The following DDX17 variants were observed in gnomAD, a reference collection of about 807,000 sequenced individuals.
DDX17 encodes DEAD-box helicase 17.
In DDX17, 10 loss-of-function variants were observed where a neutral mutation model predicts 80.8. That is an observed-to-expected ratio of 0.12 (90% confidence interval 0.08 to 0.21). The LOEUF (loss-of-function observed/expected upper bound fraction) is 0.21, where lower values mean the gene tolerates loss of function less well. Ranked by LOEUF, DDX17 falls within the 10% of genes least tolerant of loss-of-function variation. DDX17 has a pLI of 1.00. For synonymous variants in DDX17, 339 were observed against 336.2 expected, an observed-to-expected ratio of 1.01 and a Z score of -0.09; for missense variants, 586 against 957.4, an observed-to-expected ratio of 0.61 and a Z score of 5.12.
chr22:38,499,044 G>A (rs780229665), intron 3 of DDX17, among the ~76,000 whole-genome samples: 5 of 152,082 alleles, frequency 3.3e-5, no homozygotes, highest in Non-Finnish European at 7.4e-5. Context: ...TGCTACAATA[G>A]TCTACCTCTC....
intron 11 of DDX17, chr22:38,488,339 G>C: frequency 2.8e-6 from 4 of 1,414,598 alleles, no homozygotes. Flanking sequence ...ATCTTTATTG[G>C]CTGTAGAATC....
intron 10 of DDX17, 39 bp from the exon 11 acceptor site, chr22:38,492,154 C>T (rs1162199332): frequency 1.3e-6 from 2 of 1,535,612 alleles, no homozygotes; most frequent in East Asian, 4.5e-5. Context: ...AATAAGCATT[C>T]CTTGCTATCT....
intron 11 of DDX17, chr22:38,488,355 G>A: frequency 2.2e-6 from 3 of 1,383,158 alleles, no homozygotes; most frequent in East Asian, 5.6e-5. Flanking sequence ...GAATCCTAAG[G>A]GAATCCCATC....
Position 38,494,821 on chromosome 22 carries a change from C to T in DDX17, c.1042-19G>A. On this transcript the variant is annotated intron_variant, in intron 7 of 12. Coordinates refer to ENST00000403230, the MANE Select transcript of DDX17 (RefSeq NM_006386.5). The stretch of plus-strand genomic sequence containing the variant: ...TATCAGGCTATCAAAAAAGGAAAGG[C>T]TTTCTTTCAGGCTAAGGAACTTGGA... 2 of 1,614,002 alleles carry T rather than the reference C, an allele frequency of 1.2e-6. No homozygotes were observed. The highest frequency in any genetic ancestry group is 1.1e-5 in the South Asian group (1 of 91,070).
Position 38,501,290 on chromosome 22 carries a change from G to A in DDX17, c.288-10C>T. Reference sequence around the variant, plus strand: ...ACCTCTTGCTCCAAATCTAGGAACAGAATTTTTAGTTAGTTCATCAGTATT... The same window carrying A: ...ACCTCTTGCTCCAAATCTAGGAACAAAATTTTTAGTTAGTTCATCAGTATT... On this transcript the variant is annotated splice_polypyrimidine_tract_variant and intron_variant, in intron 1 of 12. Transcript: ENST00000403230. 1 of 1,599,260 alleles carries A rather than the reference G, an allele frequency of 6.3e-7. No individual in the cohort carries two copies. Among genetic ancestry groups the A allele is most frequent in the Non-Finnish European group, 8.5e-7 (1 of 1,174,228 alleles).
chr22:38,489,488 C>T lies in DDX17; in HGVS notation c.1448-1373G>A. ...GTTCGGGTAAAAATTTCAGGTCCTC[C>T]AACGCCTCCCCCAAGGATAATTGGG... On this transcript the variant is annotated intron_variant, in intron 11 of 12. Coordinates refer to ENST00000403230, the MANE Select transcript of DDX17 (RefSeq NM_006386.5). The surrounding 1 kb of genome is among the most constrained non-coding windows in gnomAD (Gnocchi z 4.6). The T allele has an allele frequency of 1.0e-6, 1 of 985,528 alleles. No individual in the cohort carries two copies. Among genetic ancestry groups the T allele is most frequent in the Non-Finnish European group, 1.2e-6 (1 of 829,916 alleles). 61.0% of individuals were successfully genotyped at this position (985,528 alleles called of 1,614,324 possible).
intron 2 of DDX17, 50 bp from the exon 3 acceptor site, chr22:38,499,549 C>T: frequency 7.1e-7 from 1 of 1,415,212 alleles, no homozygotes; most frequent in Non-Finnish European, 1.0e-6. Context: ...TCTAAACATT[C>T]AGAATTTATG....
At chr22:38,496,809 A>G (rs773442007) in intron 5 of DDX17, among the ~76,000 whole-genome samples, 6 of 152,186 alleles carry the variant, frequency 3.9e-5, no homozygotes, top group Non-Finnish European at 8.8e-5. Context: ...ATAATACAAA[A>G]ATCAAGGTAT....
intron 6 of DDX17, 107 bp from the exon 7 acceptor site, chr22:38,495,153 C>G: frequency 9.3e-7 from 1 of 1,076,990 alleles, no homozygotes; most frequent in Non-Finnish European, 1.3e-6. Context: ...GAGGCCAGTT[C>G]ACAACCAGCC....
intron 11 of DDX17, chr22:38,488,490 G>C (rs1384353287): frequency 2.8e-6 from 3 of 1,085,440 alleles, no homozygotes; most frequent in Non-Finnish European, 3.4e-6. Context: ...GAACAAAGTG[G>C]TAAACCACTG....
intron 2 of DDX17, among the ~76,000 whole-genome samples, chr22:38,499,881 T>C (rs1172663604): frequency 6.6e-6 from 1 of 152,100 alleles, no homozygotes; most frequent in Non-Finnish European, 1.5e-5. Flanking sequence ...AGAGACAATG[T>C]TGGCTGGGCA....
chr22:38,502,411 C>CAAAA (rs138458), intron 1 of DDX17, among the ~76,000 whole-genome samples: 2 of 125,984 alleles, frequency 1.6e-5, no homozygotes, highest in Non-Finnish European at 3.3e-5. Flanking sequence ...GAGGGTCCGT[C>CAAAA]AAAAAAAAAA....
intron 5 of DDX17, 25 bp from the exon 6 acceptor site, chr22:38,495,962 A>G: frequency 7.1e-7 from 1 of 1,402,040 alleles, no homozygotes; most frequent in Non-Finnish European, 9.6e-7. Flanking sequence ...AAGACACTTG[A>G]GACCTCATCC....
chr22:38,490,423 T>C (rs2089701743), intron 11 of DDX17: 1 of 1,289,258 alleles, frequency 7.8e-7, no homozygotes, highest in Middle Eastern at 2.1e-4. Flanking sequence ...GATCTGCAGC[T>C]GATATCAAAG....
intron 1 of DDX17, among the ~76,000 whole-genome samples, chr22:38,504,156 A>C (rs1048028047): frequency 2.0e-5 from 3 of 152,182 alleles, no homozygotes; most frequent in Non-Finnish European, 2.9e-5. Context: ...CACTACCTTG[A>C]ATTTTGTTAA....
intron 9 of DDX17, 94 bp from the exon 10 acceptor site, chr22:38,493,865 G>A (rs992786979): frequency 3.8e-5 from 52 of 1,361,288 alleles, no homozygotes; most frequent in Non-Finnish European, 4.9e-5. Context: ...TTTTTGTAAG[G>A]TTTGTCAGGC....
chr22:38,490,721 G>A (rs1473267051), intron 11 of DDX17: 1 of 222,400 alleles, frequency 4.5e-6, no homozygotes, highest in Non-Finnish European at 9.2e-6. Context: ...ACATTGGTCA[G>A]AATTCTGCCA....
chr22:38,490,052 A>AATT, intron 11 of DDX17: 1 of 1,053,028 alleles, frequency 9.5e-7, no homozygotes. Context: ...GGTGCTCAAT[A>AATT]GAGGGCAGAC....
chr22:38,488,810 A>G (rs1215898627), intron 11 of DDX17: 20 of 985,336 alleles, frequency 2.0e-5, no homozygotes, highest in Non-Finnish European at 2.3e-5. Flanking sequence ...ATTTTACTGT[A>G]CTACCAAGCC....
Sources: allele counts gnomAD v4.1 joint callset (sites outside exome capture counted in the v4.1 genomes callset), GRCh38; gene constraint gnomAD v4.1.1; non-coding constraint Gnocchi (gnomAD v3.1); transcripts MANE v1.5; gene names NCBI Gene and HGNC (gene_info 2026-07-23, HGNC 2026-07-21).